Variants in IGFL2 observed in about 807,000 individuals in gnomAD.
The protein encoded by IGFL2 is insulin growth factor-like family member 2.
IGFL2 carries 7 observed loss-of-function variants against 13.9 expected under a neutral mutation model. The observed-to-expected ratio is 0.51, with a 90% confidence interval of 0.29 to 0.95. The LOEUF is 0.95. IGFL2 is among the 40% of genes least tolerant of loss of function. The pLI, the probability that IGFL2 is intolerant of heterozygous loss-of-function variation, is 0.08. For synonymous variants in IGFL2, 55 were observed against 55.8 expected, an observed-to-expected ratio of 0.99 and a Z score of 0.07; for missense variants, 138 against 147.8, an observed-to-expected ratio of 0.93 and a Z score of 0.34.
chr19:46,082,438 G>C, the IGFL2 span, among the ~76,000 whole-genome samples: 2 of 152,176 alleles, frequency 1.3e-5, no homozygotes, highest in Non-Finnish European at 2.9e-5. Context: ...TGGTTTCCTA[G>C]TTCAGTGCAT....
chr19:46,177,602 A>G, the IGFL2 span, among the ~76,000 whole-genome samples: 1 of 152,038 alleles, frequency 6.6e-6, no homozygotes, highest in Admixed American at 6.5e-5. Context: ...AAGGTAGTCA[A>G]GAGCCCCAAC....
At chr19:46,214,946 G>T in the IGFL2 span, 2 of 151,290 alleles carry the variant, frequency 1.3e-5, no homozygotes, top group Admixed American at 6.6e-5. Flanking sequence ...AGCACAAAGT[G>T]CCTTGAGAAA....
chr19:46,161,023 T>C (rs1452726211), intron 3 of IGFL2, 47 bp from the exon 4 acceptor site: 21 of 1,568,104 alleles, frequency 1.3e-5, no homozygotes, highest in Non-Finnish European at 1.7e-5. Context: ...TTTTCAGTTA[T>C]CTCCTTGTCT....
the IGFL2 span, among the ~76,000 whole-genome samples, chr19:46,085,013 A>G: frequency 9.9e-4 from 151 of 152,324 alleles, 1 homozygote; most frequent in Non-Finnish European, 4.4e-4. Flanking sequence ...TGAGCCCGTA[A>G]AATCAAAACA....
chr19:46,138,091 ACT>A, the IGFL2 span, among the ~76,000 whole-genome samples: 1 of 152,050 alleles, frequency 6.6e-6, no homozygotes, highest in African/African-American at 2.4e-5. Context: ...GTGAGAAGAC[ACT>A]CTGGCTTTTA....
the IGFL2 span, among the ~76,000 whole-genome samples, chr19:46,090,995 G>C: frequency 6.6e-6 from 1 of 152,174 alleles, no homozygotes; most frequent in Non-Finnish European, 1.5e-5. Flanking sequence ...GCCTGGGGTT[G>C]AGTGAAGGGT....
chr19:46,137,662 G>C, the IGFL2 span: 1 of 629,536 alleles, frequency 1.6e-6, no homozygotes, highest in Non-Finnish European at 2.9e-6. Context: ...ACACCTATGC[G>C]GCCAGTGTGG....
At chr19:46,123,915 G>A in the IGFL2 span, 2 of 1,611,230 alleles carry the variant, frequency 1.2e-6, no homozygotes, top group Non-Finnish European at 1.7e-6. Flanking sequence ...TGGGAGATAA[G>A]TGACACTGAG....
At chr19:46,102,856 T>C in the IGFL2 span, among the ~76,000 whole-genome samples, 1 of 151,890 alleles carries the variant, frequency 6.6e-6, no homozygotes, top group South Asian at 2.1e-4. Context: ...TAATGGGCAA[T>C]TTTTCTCATG....
At chr19:46,168,930 G>GTA in the IGFL2 span, among the ~76,000 whole-genome samples, 21 of 151,854 alleles carry the variant, frequency 1.4e-4, no homozygotes, top group Middle Eastern at 6.8e-3. Context: ...GTGTGTGTGT[G>GTA]TGTGTGTGTA....
chr19:46,138,373 C>T (rs1972697754), upstream of IGFL2, among the ~76,000 whole-genome samples: 1 of 152,154 alleles, frequency 6.6e-6, no homozygotes, highest in Non-Finnish European at 1.5e-5. Context: ...CCTGGATCTT[C>T]AGGGTTAAAC....
chr19:46,154,332 C>A (rs1283432450), intron 1 of IGFL2, among the ~76,000 whole-genome samples: 1 of 152,180 alleles, frequency 6.6e-6, no homozygotes, highest in Non-Finnish European at 1.5e-5. Flanking sequence ...TTTGCCAAGA[C>A]AAAGTGTTGC....
At chr19:46,150,664 T>C (rs1444599225) in intron 1 of IGFL2, among the ~76,000 whole-genome samples, 5 of 152,174 alleles carry the variant, frequency 3.3e-5, no homozygotes, top group African/African-American at 1.2e-4. Flanking sequence ...TTTTGAAATA[T>C]ACAACACACC....
At chr19:46,174,705 G>C in the IGFL2 span, among the ~76,000 whole-genome samples, 1 of 152,192 alleles carries the variant, frequency 6.6e-6, no homozygotes, top group Non-Finnish European at 1.5e-5. Flanking sequence ...CCCTGGGGTT[G>C]GGAGCTGTCA....
chr19:46,175,660 T>C, the IGFL2 span, among the ~76,000 whole-genome samples: 14 of 152,088 alleles, frequency 9.2e-5, no homozygotes, highest in African/African-American at 3.4e-4. Context: ...TGCCTCAGCC[T>C]CCCGAGCAGC....
At chr19:46,130,730 A>G in the IGFL2 span, among the ~76,000 whole-genome samples, 113 of 152,282 alleles carry the variant, frequency 7.4e-4, 1 homozygote, top group African/African-American at 2.6e-3. Flanking sequence ...TTTATGTTTA[A>G]TGATGTATAG....
At chr19:46,123,036 T>A in the IGFL2 span, among the ~76,000 whole-genome samples, 1 of 151,030 alleles carries the variant, frequency 6.6e-6, no homozygotes, top group South Asian at 2.1e-4. Context: ...TGACCTCAAC[T>A]TGAAACATTA....
chr19:46,206,006 T>C, the IGFL2 span, among the ~76,000 whole-genome samples: 6 of 152,150 alleles, frequency 3.9e-5, no homozygotes, highest in African/African-American at 1.2e-4. Flanking sequence ...CTAATGTTGT[T>C]GTCATACAGG....
the IGFL2 span, among the ~76,000 whole-genome samples, chr19:46,183,767 C>T: frequency 6.6e-6 from 1 of 152,212 alleles, no homozygotes; most frequent in African/African-American, 2.4e-5. Context: ...AACTCCTGAC[C>T]TCAGATGATC....
Sources: allele counts gnomAD v4.1 joint callset (sites outside exome capture counted in the v4.1 genomes callset), GRCh38; gene constraint gnomAD v4.1.1; transcripts MANE v1.5; gene names NCBI Gene and HGNC (gene_info 2026-07-23, HGNC 2026-07-21).